Variants in PRKCE observed in about 807,000 individuals in gnomAD.
PRKCE encodes protein kinase C epsilon type.
A neutral mutation model predicts 85.4 loss-of-function variants in PRKCE; 16 were observed. The ratio of observed to expected loss-of-function variants is 0.19; its 90% CI spans 0.13 to 0.28. The LOEUF (loss-of-function observed/expected upper bound fraction) is 0.28, where lower values mean the gene tolerates loss of function less well. Ranked by LOEUF, PRKCE falls within the 10% of genes least tolerant of loss-of-function variation. The probability of loss-of-function intolerance (pLI) is 1.00; values close to 1 mark genes in which losing one functional copy is unlikely to be tolerated. For synonymous variants in PRKCE, 388 were observed against 371.5 expected (o/e 1.04, Z -0.51); for missense variants, 573 against 975.2 (o/e 0.59, Z 5.49).
chr2:45,939,637 C>T (rs940401532), intron 2 of PRKCE, among the ~76,000 whole-genome samples: 5 of 152,140 alleles, frequency 3.3e-5, no homozygotes, highest in African/African-American at 7.2e-5. Flanking sequence ...TCACTGCAAC[C>T]TCCGCCTCCT....
At chr2:45,942,405 C>T (rs1184758285) in intron 2 of PRKCE, among the ~76,000 whole-genome samples, 1 of 152,160 alleles carries the variant, frequency 6.6e-6, no homozygotes. Context: ...GCAGTATGTT[C>T]CTCCCTGAAA....
chr2:45,989,468 A>G (rs900145196), intron 6 of PRKCE, among the ~76,000 whole-genome samples: 2 of 152,190 alleles, frequency 1.3e-5, no homozygotes, highest in African/African-American at 4.8e-5. Flanking sequence ...GGAGGTTGCA[A>G]GCAGGTCACC....
chr2:45,936,188 G>C (rs1266478215), intron 2 of PRKCE, among the ~76,000 whole-genome samples: 1 of 152,152 alleles, frequency 6.6e-6, no homozygotes. Flanking sequence ...CTATTACCCT[G>C]CCCACCCCTG....
chr2:45,656,402 A>G (rs1675381641), intron 1 of PRKCE, among the ~76,000 whole-genome samples: 1 of 152,248 alleles, frequency 6.6e-6, no homozygotes, highest in Admixed American at 6.5e-5. Flanking sequence ...CGTAAAAGCC[A>G]AGCTGAGATA....
At chr2:45,812,417 G>C (rs565373312) in intron 1 of PRKCE, among the ~76,000 whole-genome samples, 1 of 152,304 alleles carries the variant, frequency 6.6e-6, no homozygotes, top group African/African-American at 2.4e-5. Context: ...CGGAGCATTG[G>C]TGTGAGTCAA....
intron 1 of PRKCE, among the ~76,000 whole-genome samples, chr2:45,838,193 A>G (rs994838435): frequency 6.6e-6 from 1 of 152,186 alleles, no homozygotes; most frequent in Non-Finnish European, 1.5e-5. Context: ...GAAAAGGGGA[A>G]TGAGCCCACT....
At chr2:46,116,661 CT>C (rs1479712846) in intron 11 of PRKCE, among the ~76,000 whole-genome samples, 1 of 152,128 alleles carries the variant, frequency 6.6e-6, no homozygotes, top group Non-Finnish European at 1.5e-5. Context: ...GTTTATACAT[CT>C]GTCCCCACCC....
At chr2:46,166,310 T>C (rs1453453984) in intron 14 of PRKCE, among the ~76,000 whole-genome samples, 1 of 152,210 alleles carries the variant, frequency 6.6e-6, no homozygotes, top group East Asian at 1.9e-4. Context: ...ACCATCCTCA[T>C]CCTCTGTTCT....
At chr2:46,097,687 A>G (rs67809009) in intron 11 of PRKCE, among the ~76,000 whole-genome samples, 22,355 of 151,860 alleles carry the variant, frequency 0.15, 1,790 homozygotes, top group Middle Eastern at 0.24. Flanking sequence ...TTAGTTATAA[A>G]AGTCATTCTG....
chr2:45,680,125 A>G (rs1351765314), intron 1 of PRKCE, among the ~76,000 whole-genome samples: 1 of 152,242 alleles, frequency 6.6e-6, no homozygotes, highest in Non-Finnish European at 1.5e-5. Context: ...CCATTCACAG[A>G]CCAGGGCTAG....
chr2:45,926,445 ATGG>A (rs995254984), intron 2 of PRKCE, among the ~76,000 whole-genome samples: 2 of 152,084 alleles, frequency 1.3e-5, no homozygotes, highest in African/African-American at 2.4e-5. Flanking sequence ...ATCTTTTGTT[ATGG>A]TGGTGGTGGT....
intron 1 of PRKCE, among the ~76,000 whole-genome samples, chr2:45,836,607 G>A (rs929592261): frequency 1.3e-5 from 2 of 152,186 alleles, no homozygotes; most frequent in African/African-American, 4.8e-5. Context: ...GTGTGCCTGC[G>A]GTGCCTCCAG....
At chr2:45,848,751 C>A (rs1461591618) in intron 2 of PRKCE, among the ~76,000 whole-genome samples, 1 of 152,166 alleles carries the variant, frequency 6.6e-6, no homozygotes, top group African/African-American at 2.4e-5. Context: ...GCTTGCAATT[C>A]AATTAGGCAC....
intron 1 of PRKCE, among the ~76,000 whole-genome samples, chr2:45,739,049 C>T (rs1047125786): frequency 5.9e-5 from 9 of 152,220 alleles, no homozygotes; most frequent in Admixed American, 5.2e-4. Context: ...ATTGTCCCTC[C>T]AGGCTGCTGT....
intron 1 of PRKCE, among the ~76,000 whole-genome samples, chr2:45,739,214 G>T (rs373494797): frequency 5.3e-5 from 8 of 152,318 alleles, no homozygotes; most frequent in African/African-American, 1.9e-4. Context: ...AGAAGTCACT[G>T]GGAAGGCCCG....
At chr2:45,954,658 A>AG in intron 2 of PRKCE, among the ~76,000 whole-genome samples, 1 of 152,350 alleles carries the variant, frequency 6.6e-6, no homozygotes, top group South Asian at 2.1e-4. Flanking sequence ...GTTTAAACAA[A>AG]GGGGGAGAAC....
intron 10 of PRKCE, among the ~76,000 whole-genome samples, chr2:46,013,741 G>A (rs976065138): frequency 6.6e-6 from 1 of 152,142 alleles, no homozygotes; most frequent in Admixed American, 6.5e-5. Context: ...ATTAAGTCGA[G>A]TTTAATTATT....
In PRKCE at chr2:46,159,570, T is replaced by C. The variant is rs959619021; in HGVS notation, c.1921-36T>C. 6.4e-7 allele frequency: 1 copy of C among 1,558,746 alleles called. No homozygotes were observed. The highest frequency in any genetic ancestry group is 1.4e-5 in the African/African-American group (1 of 73,202). ...CTTATAGCCTGTGCTGGCCAGGCCT[T>C]TGTCACTAATTCCGACTCTGTCCTC... On this transcript the variant is annotated intron_variant, in intron 13 of 14. Transcript: ENST00000306156. The surrounding 1 kb of genome is among the most constrained non-coding windows in gnomAD (Gnocchi z 4.1).
intron 1 of PRKCE, among the ~76,000 whole-genome samples, chr2:45,738,305 T>C (rs2104614868): frequency 6.6e-6 from 1 of 152,382 alleles, no homozygotes; most frequent in African/African-American, 2.4e-5. Flanking sequence ...TTACCCAGTC[T>C]TTCTGACTTA....
Sources: gnomAD v4.1 joint callset for allele counts (sites outside exome capture counted in the v4.1 genomes callset) on GRCh38, gnomAD v4.1.1 for gene constraint, Gnocchi (gnomAD v3.1) non-coding constraint, MANE v1.5 for transcripts, NCBI Gene and HGNC (gene_info 2026-07-23, HGNC 2026-07-21) for gene names.